The following AMPH variants were observed in gnomAD, a reference collection of about 807,000 sequenced individuals.
AMPH encodes the protein amphiphysin.
In AMPH, 49 loss-of-function variants were observed where a neutral mutation model predicts 99.1. The observed-to-expected ratio is 0.49, with a 90% CI of 0.39 to 0.63. The LOEUF is 0.63. Among genes scored for constraint, AMPH ranks in the 20% least tolerant of loss-of-function variants. The pLI is 0.00. For synonymous variants in AMPH, 314 were observed against 317.3 expected, an observed-to-expected ratio of 0.99 and a Z score of 0.11; for missense variants, 759 against 863.4, an observed-to-expected ratio of 0.88 and a Z score of 1.52.
At chr7:38,606,736 C>T (rs1225539198) in intron 1 of AMPH, among the ~76,000 whole-genome samples, 1 of 151,940 alleles carries the variant, frequency 6.6e-6, no homozygotes, top group South Asian at 2.1e-4. Context: ...CCACTCCTGG[C>T]TAATTTTTTA....
intron 14 of AMPH, chr7:38,429,018 C>T (rs1301025909): frequency 7.8e-7 from 1 of 1,290,168 alleles, no homozygotes; most frequent in Admixed American, 2.3e-5. Context: ...TTCCTCTGTA[C>T]CTTCTAGTGT....
chr7:38,403,443 C>A (rs78322026), intron 17 of AMPH, among the ~76,000 whole-genome samples: 24 of 152,234 alleles, frequency 1.6e-4, no homozygotes, highest in Non-Finnish European at 3.2e-4. Context: ...TCCAGGTGCA[C>A]TCGGACTCCC....
At chr7:38,441,776 T>TATATCA (rs1263501291) in intron 11 of AMPH, among the ~76,000 whole-genome samples, 4,106 of 137,236 alleles carry the variant, frequency 0.03, 165 homozygotes, top group African/African-American at 0.076. Context: ...ATATGATATA[T>TATATCA]ATCATATATC....
intron 19 of AMPH, among the ~76,000 whole-genome samples, chr7:38,390,987 GAGAGAGAGAGAGAGAGAGAGAGAGAGA>G (rs1562721022): frequency 1.9e-4 from 11 of 58,734 alleles, no homozygotes; most frequent in Non-Finnish European, 2.8e-4. Flanking sequence ...GAGAGAGAGA[GAGAGAGAGAGAGAGAGAGAGAGAGAGA>G]GAATGATACA....
intron 2 of AMPH, among the ~76,000 whole-genome samples, chr7:38,515,586 T>C (rs1290169310): frequency 6.6e-6 from 1 of 152,190 alleles, no homozygotes; most frequent in Admixed American, 6.5e-5. Context: ...TTCAGGTAGT[T>C]CTTCATAGCA....
At chr7:38,519,616 A>C (rs1345805946) in intron 2 of AMPH, among the ~76,000 whole-genome samples, 2 of 152,220 alleles carry the variant, frequency 1.3e-5, no homozygotes, top group Non-Finnish European at 2.9e-5. Context: ...ATGCATGTAA[A>C]ATTCTTAGAA....
chr7:38,614,227 T>G (rs1042646370), intron 1 of AMPH, among the ~76,000 whole-genome samples: 1 of 152,240 alleles, frequency 6.6e-6, no homozygotes, highest in African/African-American at 2.4e-5. Context: ...GTTGGAATTT[T>G]ATTACTAAAT....
At chr7:38,534,559 C>T (rs1260567758) in intron 2 of AMPH, among the ~76,000 whole-genome samples, 1 of 152,146 alleles carries the variant, frequency 6.6e-6, no homozygotes, top group African/African-American at 2.4e-5. Flanking sequence ...CCTGTAATCC[C>T]AGCTACTTGG....
At chr7:38,556,320 G>GT (rs1212147386) in intron 1 of AMPH, among the ~76,000 whole-genome samples, 1 of 152,090 alleles carries the variant, frequency 6.6e-6, no homozygotes, top group Non-Finnish European at 1.5e-5. Context: ...TAATTTTACT[G>GT]TTATTAGACA....
chr7:38,631,292 C>A lies in AMPH; in HGVS notation c.60G>T (p.Ala20=). 1 of 1,533,592 alleles carries A rather than the reference C, an allele frequency of 6.5e-7. No individual in the cohort carries two copies. The highest frequency in any genetic ancestry group is 8.8e-7 in the Non-Finnish European group (1 of 1,140,734). 95.0% of individuals were successfully genotyped at this position (1,533,592 alleles called of 1,614,324 possible). A position where few individuals can be genotyped will look rare whatever the true frequency, so the allele number is the denominator to read the frequency against. ...GCCGCCCGCCGCTGACCTTTTCCTG[C>A]GCGCGGTTGAGTCGCTTCTGGACGT... ...AKNVQKRLNR[A]QEKVLQKLGK... The change falls in exon 1 of 21, where the codon GCG becomes GCT. Residue 20 remains alanine, a synonymous_variant. Coordinates refer to ENST00000356264, the MANE Select transcript of AMPH (RefSeq NM_001635.4).
In AMPH at chr7:38,494,541, G is replaced by A. The variant is rs746819353; in HGVS notation, c.206-14C>T. ...CCTCCTGCATGCCTAGTGTTGGAGAGAAACAACTCCCGTTACACAGAAATG... is the reference window on the plus strand; with the variant it reads ...CCTCCTGCATGCCTAGTGTTGGAGAAAAACAACTCCCGTTACACAGAAATG... On this transcript the variant is annotated splice_polypyrimidine_tract_variant and intron_variant, in intron 3 of 20. Coordinates refer to ENST00000356264, the MANE Select transcript of AMPH (RefSeq NM_001635.4). The A allele has an allele frequency of 7.5e-6, 12 of 1,608,156 alleles. No homozygotes were observed. The highest frequency in any genetic ancestry group is 1.7e-5 in the Admixed American group (1 of 59,982).
At chr7:38,609,752 C>A (rs559058118) in intron 1 of AMPH, among the ~76,000 whole-genome samples, 32 of 47,706 alleles carry the variant, frequency 6.7e-4, no homozygotes, top group African/African-American at 4.1e-3. Flanking sequence ...TAATAGATTG[C>A]AGGTGCTGTG....
intron 2 of AMPH, among the ~76,000 whole-genome samples, chr7:38,504,671 A>G (rs993013616): frequency 1.3e-5 from 2 of 152,206 alleles, no homozygotes; most frequent in Non-Finnish European, 2.9e-5. Context: ...ATGTTTCTAG[A>G]GCTGCTCCTA....
intron 17 of AMPH, among the ~76,000 whole-genome samples, chr7:38,414,782 A>G (rs935374374): frequency 3.9e-5 from 6 of 152,062 alleles, no homozygotes; most frequent in African/African-American, 1.2e-4. Flanking sequence ...CTCCTGCCTC[A>G]GCCTCCCAAG....
intron 10 of AMPH, among the ~76,000 whole-genome samples, chr7:38,462,675 T>A (rs1162888175): frequency 6.6e-6 from 1 of 151,984 alleles, no homozygotes; most frequent in Non-Finnish European, 1.5e-5. Flanking sequence ...AAATGGAGCA[T>A]TGAAAGAAAA....
At chr7:38,432,619 CACA>C (rs1253000108) in intron 12 of AMPH, among the ~76,000 whole-genome samples, 1 of 149,252 alleles carries the variant, frequency 6.7e-6, no homozygotes, top group Non-Finnish European at 1.5e-5. Flanking sequence ...CACACACACA[CACA>C]CCTCATTAAA....
intron 13 of AMPH, among the ~76,000 whole-genome samples, chr7:38,430,587 T>C (rs879880724): frequency 3.9e-5 from 6 of 152,184 alleles, no homozygotes; most frequent in African/African-American, 7.2e-5. Context: ...GGAAGGAAAA[T>C]GTGTTACAGT....
chr7:38,615,451 C>T (rs952146980), intron 1 of AMPH, among the ~76,000 whole-genome samples: 2 of 152,120 alleles, frequency 1.3e-5, no homozygotes, highest in Non-Finnish European at 2.9e-5. Flanking sequence ...GCCCTCTTTC[C>T]CAAAGTGGAA....
chr7:38,538,046 G>A (rs1299949315), intron 1 of AMPH, among the ~76,000 whole-genome samples: 1 of 152,158 alleles, frequency 6.6e-6, no homozygotes, highest in East Asian at 1.9e-4. Flanking sequence ...GGCAAAAAGT[G>A]CATTAAAAAT....
Sources: gnomAD v4.1 joint callset for allele counts (sites outside exome capture counted in the v4.1 genomes callset) on GRCh38, gnomAD v4.1.1 for gene constraint, MANE v1.5 for transcripts, NCBI Gene and HGNC (gene_info 2026-07-23, HGNC 2026-07-21) for gene names.